Variants in KCND2 observed in about 807,000 individuals in gnomAD.
KCND2 encodes A-type voltage-gated potassium channel KCND2.
KCND2 carries 16 observed loss-of-function variants against 54.4 expected under a neutral mutation model. That is an observed-to-expected ratio of 0.29 (90% CI 0.20 to 0.45). The LOEUF is 0.45. KCND2 is among the 20% of genes least tolerant of loss of function. The probability of loss-of-function intolerance (pLI) is 1.00; values close to 1 mark genes in which losing one functional copy is unlikely to be tolerated. For missense variants in KCND2, 486 were observed against 824.2 expected (o/e 0.59, Z 5.02); for synonymous variants, 317 against 310.7 (o/e 1.02, Z -0.21).
chr7:120,723,038 C>T (rs1792688371), intron 1 of KCND2, among the ~76,000 whole-genome samples: 1 of 152,138 alleles, frequency 6.6e-6, no homozygotes, highest in Admixed American at 6.6e-5. Context: ...GAACCATGCA[C>T]CGTGGGGAGT....
At chr7:120,594,132 T>G (rs1287778426) in intron 1 of KCND2, among the ~76,000 whole-genome samples, 1 of 152,212 alleles carries the variant, frequency 6.6e-6, no homozygotes, top group African/African-American at 2.4e-5. Flanking sequence ...GATCATCTGA[T>G]AAACTCTTTT....
intron 1 of KCND2, among the ~76,000 whole-genome samples, chr7:120,594,000 A>G (rs1584845253): frequency 6.6e-6 from 1 of 152,144 alleles, no homozygotes; most frequent in South Asian, 2.1e-4. Context: ...CTTGGCGCTC[A>G]TCTCTGTAAC....
chr7:120,456,829 G>A (rs1324414514), intron 1 of KCND2, among the ~76,000 whole-genome samples: 2 of 152,258 alleles, frequency 1.3e-5, no homozygotes, highest in South Asian at 2.1e-4. Flanking sequence ...CTCTGTGTGG[G>A]GGCTGCAACC....
intron 1 of KCND2, among the ~76,000 whole-genome samples, chr7:120,695,077 G>T (rs1328688427): frequency 6.6e-6 from 1 of 152,010 alleles, no homozygotes; most frequent in Admixed American, 6.6e-5. Context: ...AATTCCTTAG[G>T]GGTATAGTTC....
Position 120,628,332 on chromosome 7 carries a change from CTT to C in KCND2, c.1116-104568_1116-104567del, listed in dbSNP as rs762892008. On this transcript the variant is annotated intron_variant, in intron 1 of 5. Transcript: ENST00000331113. ...TGCTATTTTCTGAGCAGCCAGGTCA[CTT>C]TTGGGGTGAAACCTCAGTACTCTTA... 2.0e-5 allele frequency among the ~76,000 whole-genome samples: 3 copies of C among 152,188 alleles called. No individual in the cohort carries two copies. In the South Asian group the frequency reaches 6.2e-4, roughly 32 times the overall value.
chr7:120,507,882 T>G (rs1326467213), intron 1 of KCND2, among the ~76,000 whole-genome samples: 4 of 151,914 alleles, frequency 2.6e-5, no homozygotes, highest in African/African-American at 7.2e-5. Flanking sequence ...AAGTTGATTT[T>G]TATGGCATTT....
At chr7:120,542,420 C>T (rs970982696) in intron 1 of KCND2, among the ~76,000 whole-genome samples, 5 of 151,982 alleles carry the variant, frequency 3.3e-5, no homozygotes, top group African/African-American at 9.7e-5. Context: ...TTATTTTATT[C>T]TTCTCCAAGT....
At position 120,630,100 on chromosome 7, in the gene KCND2, G is replaced by A. The variant is rs144810145; in HGVS notation, c.1116-102803G>A. ...GCTGACATTTAGGGAAGATAAATAA[G>A]ATGGCCAAACAGCCTTGGCAATTCT... On this transcript the variant is annotated intron_variant, in intron 1 of 5. Coordinates refer to ENST00000331113, the MANE Select transcript of KCND2 (RefSeq NM_012281.3). 1.3e-3 allele frequency among the ~76,000 whole-genome samples: 205 copies of A among 152,248 alleles called. 2 individuals carry two copies. Among genetic ancestry groups the A allele is most frequent in the Middle Eastern group, 0.01 (3 of 294 alleles).
intron 1 of KCND2, among the ~76,000 whole-genome samples, chr7:120,603,092 G>C (rs1792834852): frequency 2.0e-5 from 3 of 152,120 alleles, no homozygotes; most frequent in Non-Finnish European, 4.4e-5. Context: ...GGAATGAAAA[G>C]ATCTACCTTA....
At chr7:120,569,057 T>C (rs1792332121) in intron 1 of KCND2, among the ~76,000 whole-genome samples, 1 of 152,062 alleles carries the variant, frequency 6.6e-6, no homozygotes, top group African/African-American at 2.4e-5. Flanking sequence ...AAAATGTTAA[T>C]GTTAGGACAT....
intron 1 of KCND2, among the ~76,000 whole-genome samples, chr7:120,664,158 C>A (rs1486981460): frequency 6.6e-6 from 1 of 152,036 alleles, no homozygotes. Flanking sequence ...TCCACTGTTT[C>A]TGTGTTTTAG....
chr7:120,687,558 G>A (rs1312953352), intron 1 of KCND2, among the ~76,000 whole-genome samples: 4 of 152,056 alleles, frequency 2.6e-5, no homozygotes, highest in Non-Finnish European at 5.9e-5. Context: ...GCTCATGCCT[G>A]TAATCCCAGC....
chr7:120,685,643 T>C (rs998217885), intron 1 of KCND2, among the ~76,000 whole-genome samples: 1 of 152,188 alleles, frequency 6.6e-6, no homozygotes, highest in Non-Finnish European at 1.5e-5. Flanking sequence ...ACATATTTGC[T>C]ATCACAAAAG....
At chr7:120,464,032 T>TTC in intron 1 of KCND2, 3 of 972,148 alleles carry the variant, frequency 3.1e-6, no homozygotes, top group Non-Finnish European at 3.7e-6. Context: ...TTTTTTTTTT[T>TTC]CTTGCAGTTG....
intron 1 of KCND2, among the ~76,000 whole-genome samples, chr7:120,559,754 A>G (rs751981824): frequency 6.1e-4 from 93 of 152,272 alleles, no homozygotes; most frequent in Admixed American, 1.5e-3. Flanking sequence ...GCTGCCATAC[A>G]CTAGAGTTTG....
At chr7:120,493,646 A>G (rs1418358158) in intron 1 of KCND2, among the ~76,000 whole-genome samples, 1 of 152,124 alleles carries the variant, frequency 6.6e-6, no homozygotes, top group African/African-American at 2.4e-5. Flanking sequence ...ATAAAAGAAT[A>G]CGAATTAAGA....
intron 1 of KCND2, among the ~76,000 whole-genome samples, chr7:120,612,453 A>G (rs1363729682): frequency 6.6e-6 from 1 of 152,250 alleles, no homozygotes; most frequent in Non-Finnish European, 1.5e-5. Flanking sequence ...GGTACTAAAT[A>G]AATGATGAAG....
intron 1 of KCND2, among the ~76,000 whole-genome samples, chr7:120,431,920 T>C (rs1240230404): frequency 6.6e-6 from 1 of 152,040 alleles, no homozygotes; most frequent in Admixed American, 6.6e-5. Flanking sequence ...CTTGGATATG[T>C]GTAGTAGTAG....
rs557788974 is a variant in KCND2, at chr7:120,305,983, G to T, written c.1115+30236G>T. Among the ~76,000 whole-genome samples, 3 of 152,244 alleles carry T rather than the reference G, an allele frequency of 2.0e-5. No homozygotes were observed. The South Asian group carries it at 6.2e-4, about 32-fold the overall frequency. On this transcript the variant is annotated intron_variant, in intron 1 of 5. Coordinates refer to ENST00000331113, the MANE Select transcript of KCND2 (RefSeq NM_012281.3). The stretch of plus-strand genomic sequence containing the variant: ...CTATGAGAATGGTACTAATCTTCAA[G>T]TGGGGATAAATGGCTTTACAGTAGA...
Sources: gnomAD v4.1 joint callset for allele counts (sites outside exome capture counted in the v4.1 genomes callset) on GRCh38, gnomAD v4.1.1 for gene constraint, MANE v1.5 for transcripts, NCBI Gene and HGNC (gene_info 2026-07-23, HGNC 2026-07-21) for gene names.